The following NUDT21 variants were observed in gnomAD, a reference collection of about 807,000 sequenced individuals.
NUDT21 encodes cleavage and polyadenylation specificity factor subunit 5.
NUDT21 carries 5 observed loss-of-function variants against 29.8 expected under a neutral mutation model. The ratio of observed to expected loss-of-function variants is 0.17; its 90% CI spans 0.09 to 0.35. The LOEUF is 0.35. Ranked by LOEUF, NUDT21 falls within the 10% of genes least tolerant of loss-of-function variation. NUDT21 has a pLI of 1.00. For missense variants in NUDT21, 76 were observed against 276.0 expected (o/e 0.28, Z 5.13); for synonymous variants, 113 against 98.5 (o/e 1.15, Z -0.87).
At chr16:56,436,188 T>TG (rs1442270786) in intron 4 of NUDT21, among the ~76,000 whole-genome samples, 2 of 152,052 alleles carry the variant, frequency 1.3e-5, no homozygotes. Flanking sequence ...CTTTTGCTGT[T>TG]GGAGTTGTAT....
At chr16:56,441,130 C>T (rs1022856549) in intron 3 of NUDT21, among the ~76,000 whole-genome samples, 4 of 152,096 alleles carry the variant, frequency 2.6e-5, no homozygotes, top group Non-Finnish European at 2.9e-5. Flanking sequence ...AACTCCTGGC[C>T]TCAAGCAATC....
At chr16:56,438,840 T>C (rs902178291) in intron 4 of NUDT21, among the ~76,000 whole-genome samples, 9 of 151,350 alleles carry the variant, frequency 5.9e-5, no homozygotes, top group African/African-American at 2.2e-4. Context: ...TTAGAGACTA[T>C]CCTAATCCAA....
At chr16:56,440,897 C>A (rs763040263) in intron 3 of NUDT21, among the ~76,000 whole-genome samples, 1 of 152,014 alleles carries the variant, frequency 6.6e-6, no homozygotes, top group Non-Finnish European at 1.5e-5. Flanking sequence ...TGCTACCATG[C>A]CCAGCTAATT....
chr16:56,439,106 T>C (rs1179283324), intron 4 of NUDT21: 1 of 153,444 alleles, frequency 6.5e-6, no homozygotes, highest in Non-Finnish European at 1.5e-5. Context: ...TGCTAACTGT[T>C]AAAGGCAGAC....
intron 4 of NUDT21, among the ~76,000 whole-genome samples, chr16:56,437,032 A>G (rs1204174266): frequency 6.6e-5 from 10 of 152,206 alleles, no homozygotes; most frequent in African/African-American, 2.4e-4. Context: ...AGTTTAGAAT[A>G]ACTGTACTAT....
intron 6 of NUDT21, 119 bp from the exon 7 acceptor site, chr16:56,432,852 T>C: frequency 1.4e-6 from 1 of 705,628 alleles, no homozygotes; most frequent in Non-Finnish European, 2.2e-6. Flanking sequence ...ATTTTCTTTT[T>C]TTCCCCTTCG....
chr16:56,448,191 A>C (rs1194274487), intron 1 of NUDT21, among the ~76,000 whole-genome samples: 1 of 152,200 alleles, frequency 6.6e-6, no homozygotes, highest in Non-Finnish European at 1.5e-5. Flanking sequence ...CTTCCATTAG[A>C]TCAAGCTGCT....
chr16:56,440,002 G>A (rs1962142362), intron 3 of NUDT21, among the ~76,000 whole-genome samples: 1 of 152,132 alleles, frequency 6.6e-6, no homozygotes, highest in East Asian at 1.9e-4. Flanking sequence ...AATTTGTATA[G>A]CAGAACACTA....
rs1470938759 is a variant in NUDT21, at chr16:56,451,143, G to A, written c.60C>T (p.Phe20=). The part of the protein sequence containing the change: ...QTGWPRGVTQ[F]GNKYIQQTKP... ...TCGTCTGCTGGATGTACTTGTTGCC[G>A]AACTGAGTGACCCCCCGGGGCCAGC... Residue 20 remains phenylalanine (F), a synonymous_variant, in exon 1 of 7, where the codon TTC becomes TTT. Coordinates refer to ENST00000300291, the MANE Select transcript of NUDT21 (RefSeq NM_007006.3). The A allele has an allele frequency of 3.1e-6, 5 of 1,613,324 alleles. No homozygotes were observed. The highest frequency in any genetic ancestry group is 1.7e-5 in the Admixed American group (1 of 59,916).
chr16:56,448,879 A>T (rs1301652019), intron 1 of NUDT21, among the ~76,000 whole-genome samples: 1 of 152,210 alleles, frequency 6.6e-6, no homozygotes, highest in Non-Finnish European at 1.5e-5. Context: ...AATAGTCAAC[A>T]TTATTGTATC....
Position 56,429,738 on chromosome 16 carries a change from T to C in NUDT21, c.*2974A>G, listed in dbSNP as rs1300559496. ...CAGTCAACAACCACTAAGCCTTCTT[T>C]GGCAATGAAACATACAAAATTGCAA... On this transcript the variant is annotated 3_prime_UTR_variant, in exon 7 of 7. Transcript: ENST00000300291. The C allele has an allele frequency of 6.6e-6, 1 of 152,196 alleles. No homozygotes were observed. The highest frequency in any genetic ancestry group is 2.4e-5 in the African/African-American group (1 of 41,456). The allele number at this position is 152,196 out of a possible 1,614,324, so 9.4% of individuals were successfully genotyped here.
At chr16:56,439,622 T>G in intron 4 of NUDT21, 35 bp downstream of exon 4, 1 of 1,380,102 alleles carries the variant, frequency 7.2e-7, no homozygotes. Flanking sequence ...GCTTTCTGCT[T>G]CCAAAATGCC....
At chr16:56,435,827 T>TTAC (rs200784236) in intron 4 of NUDT21, among the ~76,000 whole-genome samples, 6,338 of 120,692 alleles carry the variant, frequency 0.053, 278 homozygotes, top group East Asian at 0.16. Context: ...GTAGACCTGT[T>TTAC]TACATTAAAA....
In NUDT21 at chr16:56,450,945, G is replaced by A. The variant is rs1322767848; in HGVS notation, c.116+142C>T. 7 of 655,400 alleles carry A rather than the reference G, an allele frequency of 1.1e-5. No individual in the cohort carries two copies. The African/African-American group carries it at 1.3e-4, about 12-fold the overall frequency. The allele number at this position is 655,400 out of a possible 1,614,324, so 40.6% of individuals were successfully genotyped here. On this transcript the variant is annotated intron_variant, in intron 1 of 6. Coordinates refer to ENST00000300291, the MANE Select transcript of NUDT21 (RefSeq NM_007006.3). Reference sequence around the variant, plus strand: ...AGGATGAGAAAGGGGCCTGAGAGAGGGAGGAAGGCGCGCATCCGCCAGCGG... The same window carrying A: ...AGGATGAGAAAGGGGCCTGAGAGAGAGAGGAAGGCGCGCATCCGCCAGCGG...
intron 2 of NUDT21, 114 bp downstream of exon 2, chr16:56,447,675 T>G: frequency 1.2e-6 from 1 of 854,686 alleles, no homozygotes; most frequent in Admixed American, 2.3e-5. Flanking sequence ...AAAGACATCA[T>G]TAACAGCAGT....
At chr16:56,441,534 C>G (rs1235869629) in intron 3 of NUDT21, among the ~76,000 whole-genome samples, 1 of 152,186 alleles carries the variant, frequency 6.6e-6, no homozygotes, top group African/African-American at 2.4e-5. Context: ...CGCCTGGCCT[C>G]TTGATTTTCA....
rs553218237 is a variant in NUDT21 at position 56,451,295 on chromosome 16, G to A, written c.-93C>T. The A allele has an allele frequency of 7.7e-5, 75 of 978,750 alleles. No individual in the cohort carries two copies. The highest frequency in any genetic ancestry group is 6.9e-4 in the East Asian group (28 of 40,690). 60.6% of individuals were successfully genotyped at this position (978,750 alleles called of 1,614,324 possible). A position where few individuals can be genotyped will look rare whatever the true frequency, so the allele number is the denominator to read the frequency against. ...AGCGGTTATCTGCAATCCCCTCAGC[G>A]GCTACTGCCCGCCATTAACAGGACA... On this transcript the variant is annotated 5_prime_UTR_variant, in exon 1 of 7. Transcript: ENST00000300291.
chr16:56,450,974 T>G, intron 1 of NUDT21, 113 bp downstream of exon 1: 7 of 775,428 alleles, frequency 9.0e-6, no homozygotes, highest in East Asian at 2.7e-5. Context: ...CCAGCGGGAG[T>G]TGGAGGCGGG....
In NUDT21 at chr16:56,451,100, G is replaced by A. The variant is rs1267993910; in HGVS notation, c.103C>T (p.Arg35Cys). 6.2e-7 allele frequency: 1 copy of A among 1,613,512 alleles called. No homozygotes were observed. ...CGCCGCACTTACAGGTTGATGGTGCGCTCCAGGGTGAGGGGCTTCGTCTGC... is the reference window on the plus strand; with the variant it reads ...CGCCGCACTTACAGGTTGATGGTGCACTCCAGGGTGAGGGGCTTCGTCTGC... ...IQQTKPLTLERTINLYPLTNY... is the reference protein window; with the variant it reads ...IQQTKPLTLECTINLYPLTNY... Residue 35 changes from arginine to cysteine, a missense_variant, in exon 1 of 7, where the codon CGC becomes TGC. This residue lies in a region of NUDT21 where 20 missense variants were observed against 26.3 expected (regional missense o/e 0.76). Transcript: ENST00000300291.
Sources: allele counts gnomAD v4.1 joint callset (sites outside exome capture counted in the v4.1 genomes callset), GRCh38; gene constraint gnomAD v4.1.1; regional missense constraint gnomAD v4.1.1; transcripts MANE v1.5; gene names NCBI Gene and HGNC (gene_info 2026-07-23, HGNC 2026-07-21).